ZNF135: variants seen among roughly 807,000 people sequenced by gnomAD.
The protein encoded by ZNF135 is zinc finger protein 135 (clone pHZ-17).
A neutral mutation model predicts 12.3 loss-of-function variants in ZNF135; 11 were observed. The ratio of observed to expected loss-of-function variants is 0.89; its 90% CI spans 0.56 to 1.48. The LOEUF (loss-of-function observed/expected upper bound fraction) is 1.48. Among genes scored for constraint, ZNF135 ranks in the 40% most tolerant of loss-of-function variants. ZNF135 has a pLI of 0.00. For missense variants in ZNF135, 722 were observed against 815.7 expected (o/e 0.89, Z 1.40); for synonymous variants, 316 against 312.0 (o/e 1.01, Z -0.14).
Position 58,067,793 on chromosome 19 carries a change from C to T in ZNF135, c.1309C>T (p.Pro437Ser), listed in dbSNP as rs368471465. Reference sequence around the variant, plus strand: ...TCGGAGGATTCACACAGGAGAGAAGCCCTATGGATGCAACGAGTGTGGGAA... The same window carrying T: ...TCGGAGGATTCACACAGGAGAGAAGTCCTATGGATGCAACGAGTGTGGGAA... ...EHRRIHTGEK[P>S]YGCNECGKTF... is the part of the protein sequence containing the mutation. Residue 437 changes from proline (P) to serine (S), a missense_variant, in exon 5 of 5, where the codon CCC becomes TCC. Coordinates refer to ENST00000313434, the MANE Select transcript of ZNF135 (RefSeq NM_001289401.2). 2.5e-6 allele frequency: 4 copies of T among 1,613,954 alleles called. No individual in the cohort carries two copies. The African/African-American group carries it at 5.3e-5, about 22-fold the overall frequency.
Position 58,060,231 on chromosome 19 carries a change from G to A in ZNF135, c.33+196G>A, listed in dbSNP as rs381801. 121 of 1,436,206 alleles carry A rather than the reference G, an allele frequency of 8.4e-5. No individual in the cohort carries two copies. Among genetic ancestry groups the A allele is most frequent in the Non-Finnish European group, 1.0e-4 (110 of 1,086,550 alleles). 89.0% of individuals were successfully genotyped at this position (1,436,206 alleles called of 1,614,324 possible). A position where few individuals can be genotyped will look rare whatever the true frequency, so the allele number is the denominator to read the frequency against. ...ACTCGCACAACTGGCCTCTACTCGC[G>A]CACCTGGCCTCTACTGGTGCCCGGC... On this transcript the variant is annotated intron_variant, in intron 2 of 4. Coordinates refer to ENST00000313434, the MANE Select transcript of ZNF135 (RefSeq NM_001289401.2). This position sits in a 1 kb window ranked among gnomAD's most constrained non-coding sequence, Gnocchi z 4.9.
chr19:58,061,558 G>T (rs1457166416), intron 2 of ZNF135, 22 bp from the exon 3 acceptor site: 1 of 1,605,860 alleles, frequency 6.2e-7, no homozygotes, highest in Non-Finnish European at 8.5e-7. Flanking sequence ...GCTTGGCTGA[G>T]GACACTCGTG....
In ZNF135 at chr19:58,069,203, TG is replaced by T; in HGVS notation, c.*743del. Reference sequence around the variant, plus strand: ...AATTAATCTTTATATGCAATGAGATTGAAAAGCTTTGTATGGGAAGACTCAA... The same window carrying T: ...AATTAATCTTTATATGCAATGAGATTAAAAGCTTTGTATGGGAAGACTCAA... On this transcript the variant is annotated 3_prime_UTR_variant, in exon 5 of 5. Coordinates refer to ENST00000313434, the MANE Select transcript of ZNF135 (RefSeq NM_001289401.2). The T allele has an allele frequency of 6.6e-6, 1 of 152,358 alleles. No homozygotes were observed. The highest frequency in any genetic ancestry group is 1.9e-4 in the East Asian group (1 of 5,182). 9.4% of individuals were successfully genotyped at this position (152,358 alleles called of 1,614,324 possible). A position where few individuals can be genotyped will look rare whatever the true frequency, so the allele number is the denominator to read the frequency against.
intron 4 of ZNF135, among the ~76,000 whole-genome samples, chr19:58,066,394 T>C (rs8103853): frequency 0.69 from 105,065 of 152,044 alleles, 36,560 homozygotes; most frequent in African/African-American, 0.76. Context: ...TGCCTCTGTG[T>C]GTCTGAGTGC....
rs1053168095 is a variant in ZNF135, at chr19:58,060,790, G to A, written c.33+755G>A. Among the ~76,000 whole-genome samples the A allele has an allele frequency of 3.9e-5, 6 of 152,102 alleles. No homozygotes were observed. The highest frequency in any genetic ancestry group is 8.8e-5 in the Non-Finnish European group (6 of 68,008). Reference sequence around the variant, plus strand: ...AGCCATGATGTGCCACTGCACTCCAGCCTGAATGACAGTGGAACCCTGTCT... The same window carrying A: ...AGCCATGATGTGCCACTGCACTCCAACCTGAATGACAGTGGAACCCTGTCT... On this transcript the variant is annotated intron_variant, in intron 2 of 4. Transcript: ENST00000313434. This position sits in a 1 kb window ranked among gnomAD's most constrained non-coding sequence, Gnocchi z 4.9.
Position 58,068,139 on chromosome 19 carries a change from G to A in ZNF135, c.1655G>A (p.Cys552Tyr). The A allele has an allele frequency of 1.9e-6, 3 of 1,614,168 alleles. No homozygotes were observed. Among genetic ancestry groups the A allele is most frequent in the East Asian group, 2.2e-5 (1 of 44,874 alleles). The change falls in exon 5 of 5, where the codon TGT becomes TAT. Residue 552 changes from cysteine to tyrosine, a missense_variant. Cys to Tyr is a radical substitution (Grantham distance 194). Transcript: ENST00000313434. ...CACACAGGAGAGAAACCCTATGAAT[G>A]TAACCAGTGTGGCAGAGCCTTCAGC... The part of the protein sequence containing the change: ...RIHTGEKPYE[C>Y]NQCGRAFSQS...
In ZNF135 at chr19:58,060,086, C is replaced by T. The variant is rs2073944210; in HGVS notation, c.33+51C>T. ...TGTCCTCCACCTCGTGCCCGGCCTC[C>T]TCGCGCGCGGCCTTCTCACGCCCGG... On this transcript the variant is annotated intron_variant, in intron 2 of 4. Coordinates refer to ENST00000313434, the MANE Select transcript of ZNF135 (RefSeq NM_001289401.2). The surrounding 1 kb of genome is among the most constrained non-coding windows in gnomAD (Gnocchi z 4.9). The T allele has an allele frequency of 6.2e-7, 1 of 1,606,542 alleles. No homozygotes were observed. Among genetic ancestry groups the T allele is most frequent in the Middle Eastern group, 1.6e-4 (1 of 6,066 alleles).
In ZNF135 at chr19:58,069,315, C is replaced by T. The variant is rs1209307098; in HGVS notation, c.*854C>T. ...TCCCTCTACATTTCTCTGCAGAACT[C>T]GCGTTAGAAACACAGATATTTGTTT... On this transcript the variant is annotated 3_prime_UTR_variant, in exon 5 of 5. Coordinates refer to ENST00000313434, the MANE Select transcript of ZNF135 (RefSeq NM_001289401.2). The T allele has an allele frequency of 6.6e-6, 1 of 152,108 alleles. No homozygotes were observed. The highest frequency in any genetic ancestry group is 1.5e-5 in the Non-Finnish European group (1 of 68,036). The allele number at this position is 152,108 out of a possible 1,614,324, so 9.4% of individuals were successfully genotyped here.
In ZNF135 at chr19:58,067,464, A is replaced by G. The variant is rs1339746443; in HGVS notation, c.980A>G (p.Glu327Gly). Residue 327 changes from glutamate to glycine, a missense_variant, in exon 5 of 5, where the codon GAG (glutamate) becomes GGG (glycine). Coordinates refer to ENST00000313434, the MANE Select transcript of ZNF135 (RefSeq NM_001289401.2). ...ACTCACACAGGCGAGAAGCCCTACG[A>G]GTGCAGTGAGTGTGGGAAAGCCTTC... ...ERTHTGEKPY[E>G]CSECGKAFRQ... The G allele has an allele frequency of 6.2e-7, 1 of 1,614,060 alleles. No homozygotes were observed. Among genetic ancestry groups the G allele is most frequent in the African/African-American group, 1.3e-5 (1 of 74,926 alleles).
In ZNF135 at chr19:58,066,964, G is replaced by T. The variant is rs1338580980; in HGVS notation, c.480G>T (p.Trp160Cys). The T allele has an allele frequency of 1.2e-6, 2 of 1,614,190 alleles. No homozygotes were observed. Reference sequence around the variant, plus strand: ...TGAAGACGCCTGTTCTGGAGCAGTGGCAGAGGAATGGGTTTGGGGAAAACA... The same window carrying T: ...TGAAGACGCCTGTTCTGGAGCAGTGTCAGAGGAATGGGTTTGGGGAAAACA... ...TPVKTPVLEQ[W>C]QRNGFGENIS... The change falls in exon 5 of 5, where the codon TGG becomes TGT. Residue 160 changes from tryptophan (W) to cysteine (C), a missense_variant. Coordinates refer to ENST00000313434, the MANE Select transcript of ZNF135 (RefSeq NM_001289401.2).
chr19:58,067,668 C>T lies in ZNF135; in HGVS notation c.1184C>T (p.Thr395Ile). Reference sequence around the variant, plus strand: ...TGTGGAAAAGCCTTCACCCAGATCACACCACTGATTCAGCACCAGAGGACC... The same window carrying T: ...TGTGGAAAAGCCTTCACCCAGATCATACCACTGATTCAGCACCAGAGGACC... ...HECGKAFTQI[T>I]PLIQHQRTHT... Residue 395 changes from threonine (T) to isoleucine (I), a missense_variant, in exon 5 of 5, where the codon ACA becomes ATA. Physicochemically the swap from Thr to Ile is moderately conservative, Grantham distance 89 (BLOSUM62 -1). Coordinates refer to ENST00000313434, the MANE Select transcript of ZNF135 (RefSeq NM_001289401.2). 1.2e-6 allele frequency: 2 copies of T among 1,613,570 alleles called. No individual in the cohort carries two copies. The highest frequency in any genetic ancestry group is 1.7e-6 in the Non-Finnish European group (2 of 1,179,910).
intron 3 of ZNF135, 81 bp downstream of exon 3, chr19:58,061,787 T>C: frequency 1.3e-6 from 2 of 1,491,832 alleles, no homozygotes; most frequent in Non-Finnish European, 1.8e-6. Context: ...TTTATAGGAC[T>C]GAGCTTTAAA....
In ZNF135 at chr19:58,064,752, A is replaced by G. The variant is rs1437742236; in HGVS notation, c.256+1211A>G. Among the ~76,000 whole-genome samples the G allele has an allele frequency of 5.3e-5, 8 of 151,752 alleles. No homozygotes were observed. The South Asian group carries it at 1.5e-3, about 28-fold the overall frequency. On this transcript the variant is annotated intron_variant, in intron 4 of 4. Transcript: ENST00000313434. ...TACAAAAAAAAAAAATTAGCTGGCC[A>G]TGGTGGCACGCTCCTGTAGTCCCAG...
At position 58,059,368 on chromosome 19, in the gene ZNF135, G is replaced by GCCGGA. The variant is rs2123460640; in HGVS notation, c.-35+58_-35+59insCCGGA. Reference sequence around the variant, plus strand: ...GCCAGGCCGGGCCGGGCCGGGCCGGGTGCGGGGGGTCCGGGGATCTTCCTG... The same window carrying GCCGGA: ...GCCAGGCCGGGCCGGGCCGGGCCGGGCCGGATGCGGGGGGTCCGGGGATCTTCCTG... On this transcript the variant is annotated intron_variant, in intron 1 of 4. Coordinates refer to ENST00000313434, the MANE Select transcript of ZNF135 (RefSeq NM_001289401.2). This position sits in a 1 kb window ranked among gnomAD's most constrained non-coding sequence, Gnocchi z 6.5. The GCCGGA allele has an allele frequency of 2.3e-6, 2 of 876,614 alleles. No homozygotes were observed. Among genetic ancestry groups the GCCGGA allele is most frequent in the Non-Finnish European group, 3.3e-6 (2 of 609,344 alleles). The allele number at this position is 876,614 out of a possible 1,614,324, so 54.3% of individuals were successfully genotyped here.
At position 58,059,362 on chromosome 19, in the gene ZNF135, G is replaced by GGCCGA. The variant is rs1303416516; in HGVS notation, c.-35+56_-35+57insAGCCG. On this transcript the variant is annotated intron_variant, in intron 1 of 4. Coordinates refer to ENST00000313434, the MANE Select transcript of ZNF135 (RefSeq NM_001289401.2). The surrounding 1 kb of genome is among the most constrained non-coding windows in gnomAD (Gnocchi z 6.5). Reference sequence around the variant, plus strand: ...GGGGAGGCCAGGCCGGGCCGGGCCGGGCCGGGTGCGGGGGGTCCGGGGATC... The same window carrying GGCCGA: ...GGGGAGGCCAGGCCGGGCCGGGCCGGGCCGAGCCGGGTGCGGGGGGTCCGGGGATC... 2 of 1,059,044 alleles carry GGCCGA rather than the reference G, an allele frequency of 1.9e-6. No individual in the cohort carries two copies. Among genetic ancestry groups the GGCCGA allele is most frequent in the Admixed American group, 3.0e-5 (1 of 33,038 alleles). The allele number at this position is 1,059,044 out of a possible 1,614,324, so 65.6% of individuals were successfully genotyped here. A position where few individuals can be genotyped will look rare whatever the true frequency, so the allele number is the denominator to read the frequency against.
intron 4 of ZNF135, among the ~76,000 whole-genome samples, chr19:58,066,013 T>C (rs1286409277): frequency 6.6e-6 from 1 of 152,102 alleles, no homozygotes; most frequent in African/African-American, 2.4e-5. Context: ...ATTTGTTCAT[T>C]CATTAAGCAT....
rs142920279 is a variant in ZNF135 at position 58,067,090 on chromosome 19, T to A, written c.606T>A (p.Asn202Lys). 2.2e-3 allele frequency: 3,489 copies of A among 1,614,164 alleles called. 6 individuals carry two copies. Among genetic ancestry groups the A allele is most frequent in the Non-Finnish European group, 2.2e-3 (2,612 of 1,180,034 alleles). The change falls in exon 5 of 5, where the codon AAT becomes AAA. Residue 202 changes from asparagine to lysine, a missense_variant. Physicochemically the swap from Asn to Lys is moderately conservative, Grantham distance 94. Transcript: ENST00000313434. Reference sequence around the variant, plus strand: ...GAAAAAGGGAGAAGCCAGACCTAAATGTTTTACAGAAAACCTGTGTAAAAG... The same window carrying A: ...GAAAAAGGGAGAAGCCAGACCTAAAAGTTTTACAGAAAACCTGTGTAAAAG... The part of the protein sequence containing the change: ...TRGKREKPDL[N>K]VLQKTCVKEK...
chr19:58,063,344 C>T lies in ZNF135; in HGVS notation c.161-102C>T, dbSNP rs368186274. The T allele has an allele frequency of 3.5e-6, 2 of 578,442 alleles. No homozygotes were observed. Among genetic ancestry groups the T allele is most frequent in the Non-Finnish European group, 4.7e-6 (2 of 423,094 alleles). 35.8% of individuals were successfully genotyped at this position (578,442 alleles called of 1,614,324 possible). On this transcript the variant is annotated intron_variant, in intron 3 of 4. Transcript: ENST00000313434. This position sits in a 1 kb window ranked among gnomAD's most constrained non-coding sequence, Gnocchi z 4.4. ...ATGACAGCTGAAGTCACTCAGGGGT[C>T]CCCAGCCATCTGGGACCTGGAAGAC...
rs2074131901 is a variant in ZNF135, at chr19:58,069,417, T to G, written c.*956T>G. 6.6e-6 allele frequency: 1 copy of G among 152,232 alleles called. No individual in the cohort carries two copies. Among genetic ancestry groups the G allele is most frequent in the Non-Finnish European group, 1.5e-5 (1 of 68,044 alleles). The allele number at this position is 152,232 out of a possible 1,614,324, so 9.4% of individuals were successfully genotyped here. A position where few individuals can be genotyped will look rare whatever the true frequency, so the allele number is the denominator to read the frequency against. On this transcript the variant is annotated 3_prime_UTR_variant, in exon 5 of 5. Coordinates refer to ENST00000313434, the MANE Select transcript of ZNF135 (RefSeq NM_001289401.2). The stretch of plus-strand genomic sequence containing the variant: ...CAAATTCATGTTAGAAACTTCTGTT[T>G]TGCAAGATTCATCTTTTTTGGGATA...
Sources: allele counts gnomAD v4.1 joint callset (sites outside exome capture counted in the v4.1 genomes callset), GRCh38; gene constraint gnomAD v4.1.1; non-coding constraint Gnocchi (gnomAD v3.1); transcripts MANE v1.5; gene names NCBI Gene and HGNC (gene_info 2026-07-23, HGNC 2026-07-21).